WDFY3: variants seen among roughly 807,000 people sequenced by gnomAD.
WDFY3 encodes the protein WD repeat and FYVE domain-containing protein 3.
WDFY3 carries 66 observed loss-of-function variants against 409.6 expected under a neutral mutation model. The observed-to-expected ratio is 0.16, with a 90% CI of 0.13 to 0.20. The LOEUF (loss-of-function observed/expected upper bound fraction) is 0.20. Ranked by LOEUF, WDFY3 falls within the 10% of genes least tolerant of loss-of-function variation. The probability of loss-of-function intolerance (pLI) is 1.00; values close to 1 mark genes in which losing one functional copy is unlikely to be tolerated. For synonymous variants in WDFY3, 1,521 were observed against 1,537.1 expected (o/e 0.99, Z 0.25); for missense variants, 3,031 against 4,298.1 (o/e 0.71, Z 8.24).
chr4:84,700,501 G>C (rs1371859026), intron 56 of WDFY3, among the ~76,000 whole-genome samples: 1 of 152,204 alleles, frequency 6.6e-6, no homozygotes, highest in East Asian at 1.9e-4. Flanking sequence ...ACCATGCCTG[G>C]CCCAACCACT....
Position 84,808,318 on chromosome 4 carries a change from C to A in WDFY3, c.2429+16G>T. The A allele has an allele frequency of 6.2e-7, 1 of 1,605,534 alleles. No individual in the cohort carries two copies. The highest frequency in any genetic ancestry group is 1.1e-5 in the South Asian group (1 of 90,522). On this transcript the variant is annotated intron_variant, in intron 15 of 67. Transcript: ENST00000295888. ...CCCACACAAATAGAGACTGACTTCT[C>A]TTATATGATCAGTACCTTTTCCTGG... is the stretch of plus-strand genomic sequence containing the variant.
At chr4:84,818,774 A>G (rs947359519) in intron 12 of WDFY3, among the ~76,000 whole-genome samples, 2 of 152,146 alleles carry the variant, frequency 1.3e-5, no homozygotes, top group African/African-American at 2.4e-5. Context: ...TCACACAGCT[A>G]GTAACATCTT....
intron 17 of WDFY3, among the ~76,000 whole-genome samples, chr4:84,799,727 C>T (rs1023470138): frequency 1.3e-5 from 2 of 152,158 alleles, no homozygotes; most frequent in East Asian, 3.9e-4. Flanking sequence ...CAACTCCCTA[C>T]AGCAGGAAAC....
At chr4:84,881,907 C>T (rs1012343792) in intron 3 of WDFY3, among the ~76,000 whole-genome samples, 7 of 151,786 alleles carry the variant, frequency 4.6e-5, no homozygotes, top group Admixed American at 1.3e-4. Flanking sequence ...TTATTAAGAT[C>T]TATTATTAAG....
At chr4:84,911,344 T>C (rs952676619) in intron 2 of WDFY3, among the ~76,000 whole-genome samples, 16 of 152,048 alleles carry the variant, frequency 1.1e-4, no homozygotes, top group Non-Finnish European at 1.5e-4. Context: ...AAATATTAGC[T>C]GAGCATGTGG....
At chr4:84,821,591 G>GA (rs1426946129) in intron 10 of WDFY3, 40 bp from the exon 11 acceptor site, 5 of 1,523,384 alleles carry the variant, frequency 3.3e-6, no homozygotes, top group Non-Finnish European at 4.4e-6. Context: ...GGTACTATGT[G>GA]ATATTTTAAT....
intron 55 of WDFY3, among the ~76,000 whole-genome samples, chr4:84,703,288 T>C (rs1007937207): frequency 2.0e-5 from 3 of 152,178 alleles, no homozygotes; most frequent in Non-Finnish European, 4.4e-5. Flanking sequence ...GAAAAGGTGA[T>C]CAGTTACAGA....
At chr4:84,727,150 G>C (rs1229984299) in intron 44 of WDFY3, among the ~76,000 whole-genome samples, 1 of 152,040 alleles carries the variant, frequency 6.6e-6, no homozygotes, top group Non-Finnish European at 1.5e-5. Flanking sequence ...CTACTGAACA[G>C]GACAAACTCT....
At chr4:84,754,299 G>T (rs1270782103) in intron 34 of WDFY3, among the ~76,000 whole-genome samples, 1 of 152,236 alleles carries the variant, frequency 6.6e-6, no homozygotes, top group Non-Finnish European at 1.5e-5. Context: ...TAAGCATTAT[G>T]TAATACAACA....
intron 35 of WDFY3, 132 bp downstream of exon 35, chr4:84,753,565 T>C: frequency 9.3e-7 from 1 of 1,077,552 alleles, no homozygotes; most frequent in Non-Finnish European, 1.2e-6. Context: ...AGGTGATGTA[T>C]AAAGTTATGA....
chr4:84,926,013 A>G (rs1769932316), intron 2 of WDFY3, among the ~76,000 whole-genome samples: 1 of 151,038 alleles, frequency 6.6e-6, no homozygotes, highest in Non-Finnish European at 1.5e-5. Flanking sequence ...TGGGCAGTCT[A>G]TACTTGTTTT....
intron 6 of WDFY3, among the ~76,000 whole-genome samples, chr4:84,838,854 A>G (rs1257451917): frequency 6.6e-6 from 1 of 152,140 alleles, no homozygotes. Flanking sequence ...TCTATTTTCA[A>G]TAGCACTATA....
intron 27 of WDFY3, among the ~76,000 whole-genome samples, chr4:84,777,086 A>G (rs1323827853): frequency 1.3e-5 from 2 of 152,100 alleles, no homozygotes; most frequent in Non-Finnish European, 2.9e-5. Context: ...GATGTTTTCA[A>G]TTTCAAGACT....
At chr4:84,706,610 T>C (rs1731991426) in intron 53 of WDFY3, among the ~76,000 whole-genome samples, 1 of 148,534 alleles carries the variant, frequency 6.7e-6, no homozygotes, top group Admixed American at 6.7e-5. Context: ...AGTGTGGGAA[T>C]AGAAGGCAGA....
intron 64 of WDFY3, among the ~76,000 whole-genome samples, chr4:84,681,737 G>A (rs1727384350): frequency 6.6e-6 from 1 of 152,168 alleles, no homozygotes; most frequent in Non-Finnish European, 1.5e-5. Flanking sequence ...ACATCAAAGG[G>A]GGCGGCTTCT....
chr4:84,965,547 T>C (rs1242317756), intron 1 of WDFY3: 2 of 152,208 alleles, frequency 1.3e-5, no homozygotes, highest in Non-Finnish European at 2.9e-5. Flanking sequence ...TGGCCTTTGG[T>C]TGGAAAGGTC....
intron 4 of WDFY3, among the ~76,000 whole-genome samples, chr4:84,850,236 G>A (rs1240207610): frequency 6.6e-6 from 1 of 152,218 alleles, no homozygotes; most frequent in Admixed American, 6.5e-5. Context: ...TTGAAGAAAT[G>A]ATTAAATAAA....
At chr4:84,924,555 T>C (rs1018553206) in intron 2 of WDFY3, among the ~76,000 whole-genome samples, 3 of 152,214 alleles carry the variant, frequency 2.0e-5, no homozygotes, top group Non-Finnish European at 2.9e-5. Flanking sequence ...TCAATTCCAT[T>C]TTTACAAAAC....
chr4:84,919,604 A>G (rs996535958), intron 2 of WDFY3, among the ~76,000 whole-genome samples: 3 of 152,116 alleles, frequency 2.0e-5, no homozygotes, highest in Non-Finnish European at 4.4e-5. Context: ...GGTTACCTCC[A>G]TGTTGTTCTC....
Sources: gnomAD v4.1 joint callset for allele counts (sites outside exome capture counted in the v4.1 genomes callset) on GRCh38, gnomAD v4.1.1 for gene constraint, MANE v1.5 for transcripts, NCBI Gene and HGNC (gene_info 2026-07-23, HGNC 2026-07-21) for gene names.